The following CRACD variants were observed in gnomAD, a reference collection of about 807,000 sequenced individuals.
CRACD encodes capping protein inhibiting regulator of actin dynamics.
In CRACD, 56 loss-of-function variants were observed where a neutral mutation model predicts 106.8. The ratio of observed to expected loss-of-function variants is 0.52; its 90% CI spans 0.42 to 0.66. The LOEUF (loss-of-function observed/expected upper bound fraction) is 0.66, where lower values mean the gene tolerates loss of function less well. Among genes scored for constraint, CRACD ranks in the 30% least tolerant of loss-of-function variants. CRACD has a pLI of 0.00. For synonymous variants in CRACD, 754 were observed against 670.8 expected, an observed-to-expected ratio of 1.12 and a Z score of -1.92; for missense variants, 1,730 against 1,623.2, an observed-to-expected ratio of 1.07 and a Z score of -1.13.
chr4:56,116,487 A>G (rs1484554075), intron 1 of CRACD, among the ~76,000 whole-genome samples: 1 of 152,192 alleles, frequency 6.6e-6, no homozygotes, highest in Non-Finnish European at 1.5e-5. Flanking sequence ...ATGATTATAT[A>G]GAACATTATA....
At chr4:56,107,953 T>C (rs1332510537) in intron 1 of CRACD, among the ~76,000 whole-genome samples, 3 of 152,214 alleles carry the variant, frequency 2.0e-5, no homozygotes, top group African/African-American at 7.2e-5. Flanking sequence ...ATCAACACTG[T>C]GTACGCAGAT....
intron 8 of CRACD, 152 bp downstream of exon 8, chr4:56,316,841 G>A (rs1345262854): frequency 2.1e-6 from 2 of 967,558 alleles, no homozygotes; most frequent in African/African-American, 3.3e-5. Flanking sequence ...GAACAAAACC[G>A]TGGGGCGCCT....
rs972553600 is a variant in CRACD, at chr4:56,329,374, C to T, written c.*1570C>T. Among the ~76,000 whole-genome samples the T allele has an allele frequency of 1.3e-5, 2 of 152,152 alleles. No homozygotes were observed. Among genetic ancestry groups the T allele is most frequent in the Non-Finnish European group, 2.9e-5 (2 of 68,024 alleles). On this transcript the variant is annotated 3_prime_UTR_variant, in exon 11 of 11. Coordinates refer to ENST00000682029, the MANE Select transcript of CRACD (RefSeq NM_001393381.1). ...ATCCATCATTACTTTCCTTTATGCTCGCTCAATATGCAATGTGCTGTTATT... is the reference window on the plus strand; with the variant it reads ...ATCCATCATTACTTTCCTTTATGCTTGCTCAATATGCAATGTGCTGTTATT...
chr4:56,189,940 G>T (rs1333427542), intron 2 of CRACD, among the ~76,000 whole-genome samples: 1 of 146,790 alleles, frequency 6.8e-6, no homozygotes, highest in Non-Finnish European at 1.5e-5. Flanking sequence ...TCTAGCATTA[G>T]GTATATCTCC....
intron 1 of CRACD, among the ~76,000 whole-genome samples, chr4:56,076,774 T>C: frequency 6.6e-6 from 1 of 152,242 alleles, no homozygotes; most frequent in East Asian, 1.9e-4. Context: ...TGTTTTATTG[T>C]CTGTTTCCTT....
chr4:56,182,190 G>C (rs929137864), intron 2 of CRACD, among the ~76,000 whole-genome samples: 1 of 151,920 alleles, frequency 6.6e-6, no homozygotes, highest in African/African-American at 2.4e-5. Context: ...AAACCAGCCT[G>C]GGCAACGTGG....
chr4:56,309,784 G>A (rs930806043), intron 5 of CRACD, among the ~76,000 whole-genome samples: 1 of 152,150 alleles, frequency 6.6e-6, no homozygotes, highest in African/African-American at 2.4e-5. Context: ...AAGCCAGGAG[G>A]CAGAGGTTGC....
chr4:56,310,341 C>A (rs892784553), intron 5 of CRACD, among the ~76,000 whole-genome samples: 3 of 152,140 alleles, frequency 2.0e-5, no homozygotes, highest in African/African-American at 4.8e-5. Flanking sequence ...GAGACACAGC[C>A]CTGCACCCCA....
At chr4:56,092,903 G>A (rs58187701) in intron 1 of CRACD, among the ~76,000 whole-genome samples, 3 of 152,070 alleles carry the variant, frequency 2.0e-5, no homozygotes, top group Non-Finnish European at 2.9e-5. Flanking sequence ...GAGCCACCAC[G>A]CTCGGCCTCT....
chr4:56,167,727 CA>C (rs1736205484), intron 1 of CRACD, among the ~76,000 whole-genome samples: 1 of 152,086 alleles, frequency 6.6e-6, no homozygotes, highest in Non-Finnish European at 1.5e-5. Context: ...AGACTATTCA[CA>C]AAACCAATAT....
intron 2 of CRACD, among the ~76,000 whole-genome samples, chr4:56,266,531 T>C (rs1742030335): frequency 1.3e-5 from 2 of 152,282 alleles, no homozygotes; most frequent in Non-Finnish European, 2.9e-5. Flanking sequence ...AGTACAGTGT[T>C]GGAGAACACT....
At chr4:56,174,629 A>G (rs865936008) in intron 1 of CRACD, among the ~76,000 whole-genome samples, 1 of 152,228 alleles carries the variant, frequency 6.6e-6, no homozygotes, top group Non-Finnish European at 1.5e-5. Flanking sequence ...TTTTATGGCT[A>G]AATAATATTC....
intron 1 of CRACD, among the ~76,000 whole-genome samples, chr4:56,092,737 G>A (rs1364511502): frequency 6.6e-6 from 1 of 152,016 alleles, no homozygotes; most frequent in Non-Finnish European, 1.5e-5. Context: ...CGGTAGCTGA[G>A]ACTACAGAAT....
At chr4:56,290,005 G>A (rs999846563) in intron 3 of CRACD, among the ~76,000 whole-genome samples, 4 of 152,152 alleles carry the variant, frequency 2.6e-5, no homozygotes, top group African/African-American at 9.7e-5. Flanking sequence ...TTCTGCAGTG[G>A]CTGTTGGCTG....
chr4:56,205,226 AG>A (rs1738065150), intron 2 of CRACD, among the ~76,000 whole-genome samples: 2 of 152,250 alleles, frequency 1.3e-5, no homozygotes, highest in African/African-American at 4.8e-5. Context: ...CCGCCAAATA[AG>A]TAATGCGTAC....
chr4:56,120,338 C>T (rs2109852866), intron 1 of CRACD, among the ~76,000 whole-genome samples: 1 of 152,200 alleles, frequency 6.6e-6, no homozygotes, highest in Middle Eastern at 3.4e-3. Flanking sequence ...AAGCCCACCC[C>T]ACAATGACAA....
intron 5 of CRACD, chr4:56,309,093 A>G (rs1290007851): frequency 2.3e-6 from 1 of 441,136 alleles, no homozygotes; most frequent in African/African-American, 2.0e-5. Context: ...CAGAAAATAA[A>G]ACAGGGTAAT....
At chr4:56,322,877 C>T (rs141047002) in intron 8 of CRACD, among the ~76,000 whole-genome samples, 73 of 152,114 alleles carry the variant, frequency 4.8e-4, no homozygotes, top group African/African-American at 1.7e-3. Flanking sequence ...AAAAATACAA[C>T]AATTTGCCAG....
At chr4:56,111,466 C>T (rs933101251) in intron 1 of CRACD, among the ~76,000 whole-genome samples, 3 of 152,088 alleles carry the variant, frequency 2.0e-5, no homozygotes, top group Non-Finnish European at 4.4e-5. Flanking sequence ...AGGAAACATA[C>T]ATATAAAAAA....
Sources: gnomAD v4.1 joint callset for allele counts (sites outside exome capture counted in the v4.1 genomes callset) on GRCh38, gnomAD v4.1.1 for gene constraint, MANE v1.5 for transcripts, NCBI Gene and HGNC (gene_info 2026-07-23, HGNC 2026-07-21) for gene names.